ECPAS: variants seen among roughly 807,000 people sequenced by gnomAD.
ECPAS encodes the protein Ecm29 proteasome adaptor and scaffold.
Under a neutral mutation model 255.1 loss-of-function variants are expected in ECPAS, and 70 were observed. The ratio of observed to expected loss-of-function variants is 0.27; its 90% CI spans 0.23 to 0.33. The LOEUF (loss-of-function observed/expected upper bound fraction) is 0.33, where lower values mean the gene tolerates loss of function less well. Ranked by LOEUF, ECPAS falls within the 10% of genes least tolerant of loss-of-function variation. ECPAS has a pLI of 1.00. For missense variants in ECPAS, 1,817 were observed against 2,206.4 expected (o/e 0.82, Z 3.54); for synonymous variants, 784 against 775.0 (o/e 1.01, Z -0.19).
At chr9:111,422,236 A>T in intron 13 of ECPAS, 36 bp from the exon 14 acceptor site, 1 of 1,583,302 alleles carries the variant, frequency 6.3e-7, no homozygotes, top group Non-Finnish European at 8.7e-7. Flanking sequence ...TACTATCATA[A>T]ATTTCCAAGA....
intron 12 of ECPAS, among the ~76,000 whole-genome samples, chr9:111,423,600 C>T (rs1349865029): frequency 6.6e-6 from 1 of 152,186 alleles, no homozygotes; most frequent in African/African-American, 2.4e-5. Context: ...AGTTCATCTT[C>T]AACACACTAA....
At chr9:111,461,440 G>A (rs1011330317) in intron 2 of ECPAS, among the ~76,000 whole-genome samples, 6 of 152,110 alleles carry the variant, frequency 3.9e-5, no homozygotes, top group Non-Finnish European at 8.8e-5. Context: ...ACTCCAGCCT[G>A]AGCAAAAGAG....
At chr9:111,390,999 T>C (rs920689726) in intron 29 of ECPAS, among the ~76,000 whole-genome samples, 3 of 152,262 alleles carry the variant, frequency 2.0e-5, no homozygotes, top group Middle Eastern at 3.4e-3. Context: ...CCCAACATCA[T>C]GGGCTCCCAC....
At position 111,372,413 on chromosome 9, in the gene ECPAS, A is replaced by G. The variant is rs1408650752; in HGVS notation, c.4528+16T>C. 1 of 1,607,312 alleles carries G rather than the reference A, an allele frequency of 6.2e-7. No individual in the cohort carries two copies. The highest frequency in any genetic ancestry group is 8.5e-7 in the Non-Finnish European group (1 of 1,175,654). ...GATTCCTAAGAAGCAGGTTTAACTC[A>G]GGCCACACTACTAACCAGGTACGTT... On this transcript the variant is annotated intron_variant, in intron 42 of 49. Transcript: ENST00000684092.
intron 1 of ECPAS, among the ~76,000 whole-genome samples, chr9:111,474,803 G>GTCATTCCAA (rs1217048935): frequency 1.2e-4 from 18 of 152,274 alleles, no homozygotes; most frequent in African/African-American, 4.3e-4. Flanking sequence ...AGTGAATCTT[G>GTCATTCCAA]TCATTCCAAT....
At chr9:111,366,387 C>T in intron 47 of ECPAS, 60 bp from the exon 48 acceptor site, 1 of 1,400,810 alleles carries the variant, frequency 7.1e-7, no homozygotes, top group South Asian at 1.2e-5. Context: ...CTAAAACTTT[C>T]CTGTCACAAT....
In ECPAS at chr9:111,468,689, C is replaced by CGTGTGTGTGTGTGTGTGTGTGT. The variant is rs141517725; in HGVS notation, c.22+4207_22+4208insACACACACACACACACACACAC. 8.2e-4 allele frequency among the ~76,000 whole-genome samples: 123 copies of CGTGTGTGTGTGTGTGTGTGTGT among 150,018 alleles called. 1 individual carries two copies. Among genetic ancestry groups the CGTGTGTGTGTGTGTGTGTGTGT allele is most frequent in the African/African-American group, 2.9e-3 (117 of 41,006 alleles). Reference sequence around the variant, plus strand: ...TGTGTGTTTCATGTCCAAGCTCAAACGTGTGTGTGTGTGTGTTTCACGTCC... The same window carrying CGTGTGTGTGTGTGTGTGTGTGT: ...TGTGTGTTTCATGTCCAAGCTCAAACGTGTGTGTGTGTGTGTGTGTGTGTGTGTGTGTGTGTGTTTCACGTCC... On this transcript the variant is annotated intron_variant, in intron 2 of 49. Transcript: ENST00000684092.
intron 1 of ECPAS, among the ~76,000 whole-genome samples, chr9:111,482,913 G>A (rs1349222167): frequency 2.0e-5 from 3 of 152,136 alleles, no homozygotes; most frequent in African/African-American, 4.8e-5. Context: ...GCGTACGATC[G>A]AGGGGGCACT....
intron 34 of ECPAS, among the ~76,000 whole-genome samples, chr9:111,383,971 C>A (rs1474965352): frequency 1.3e-5 from 1 of 78,760 alleles, no homozygotes; most frequent in Non-Finnish European, 4.3e-5. Flanking sequence ...GAAGTGTTAT[C>A]ATCATCATCA....
At chr9:111,373,285 T>A in intron 40 of ECPAS, 30 bp downstream of exon 40, 1 of 1,612,902 alleles carries the variant, frequency 6.2e-7, no homozygotes, top group Non-Finnish European at 8.5e-7. Flanking sequence ...TCAAAGAGTT[T>A]TATTTAACTA....
intron 34 of ECPAS, among the ~76,000 whole-genome samples, chr9:111,383,581 AAAACAGAT>A (rs1459718357): frequency 2.0e-5 from 3 of 152,324 alleles, no homozygotes; most frequent in African/African-American, 7.2e-5. Context: ...AATACAGAAC[AAAACAGAT>A]GATGATCAAA....
At chr9:111,426,694 C>CA (rs11326973) in intron 10 of ECPAS, among the ~76,000 whole-genome samples, 66 of 130,890 alleles carry the variant, frequency 5.0e-4, no homozygotes, top group Middle Eastern at 4.0e-3. Flanking sequence ...TGTCTCACTT[C>CA]AAAAAAAAAA....
intron 20 of ECPAS, among the ~76,000 whole-genome samples, chr9:111,412,545 T>C (rs1029923634): frequency 1.3e-5 from 2 of 152,122 alleles, no homozygotes; most frequent in African/African-American, 4.8e-5. Flanking sequence ...CACGACAATG[T>C]TTGTGTCATG....
chr9:111,373,453 G>T, intron 39 of ECPAS, 47 bp from the exon 40 acceptor site: 1 of 1,484,384 alleles, frequency 6.7e-7, no homozygotes, highest in East Asian at 2.3e-5. Flanking sequence ...TTGACCAAAT[G>T]TTCCACTCTG....
rs770302228 is a variant in ECPAS, at chr9:111,371,675, T to A, written c.4683A>T (p.Gly1561=). 1 of 1,613,868 alleles carries A rather than the reference T, an allele frequency of 6.2e-7. No homozygotes were observed. Among genetic ancestry groups the A allele is most frequent in the East Asian group, 2.2e-5 (1 of 44,876 alleles). Residue 1561 remains glycine, a synonymous_variant, in exon 43 of 50, where the codon GGA becomes GGT. Coordinates refer to ENST00000684092, the MANE Select transcript of ECPAS (RefSeq NM_001364929.1). ...QTSSLVPPYL[G]MILTALLQGL... ...CTTGCAGCAATGCGGTCAGTATCAT[T>A]CCGAGATATGGAGGTACTAGAGAGC...
chr9:111,375,050 G>T, intron 38 of ECPAS, 63 bp downstream of exon 38: 1 of 1,197,326 alleles, frequency 8.4e-7, no homozygotes, highest in African/African-American at 1.5e-5. Context: ...CATGATGGCT[G>T]TTATATCCTT....
intron 3 of ECPAS, among the ~76,000 whole-genome samples, chr9:111,448,315 G>A (rs1190893489): frequency 1.3e-5 from 2 of 151,744 alleles, no homozygotes; most frequent in Non-Finnish European, 2.9e-5. Flanking sequence ...TTGCAGGCTG[G>A]GGCAAATATT....
chr9:111,367,226 G>A (rs951443415), intron 46 of ECPAS, among the ~76,000 whole-genome samples: 1 of 152,124 alleles, frequency 6.6e-6, no homozygotes, highest in South Asian at 2.1e-4. Flanking sequence ...GGATTTAGTA[G>A]GGCTCAAACA....
At chr9:111,370,882 AAC>A (rs770967368) in intron 43 of ECPAS, 117 bp from the exon 44 acceptor site, 69 of 903,482 alleles carry the variant, frequency 7.6e-5, no homozygotes, top group Admixed American at 1.3e-4. Context: ...AAAAATTAAC[AAC>A]AGTCACCTTA....
Sources: allele counts gnomAD v4.1 joint callset (sites outside exome capture counted in the v4.1 genomes callset), GRCh38; gene constraint gnomAD v4.1.1; transcripts MANE v1.5; gene names NCBI Gene and HGNC (gene_info 2026-07-23, HGNC 2026-07-21).